MFSD2B: variants seen among roughly 807,000 people sequenced by gnomAD.
MFSD2B encodes MFSD2 lysolipid transporter B, sphingolipid.
A neutral mutation model predicts 58.4 loss-of-function variants in MFSD2B; 56 were observed. The observed-to-expected ratio is 0.96, with a 90% CI of 0.77 to 1.20. MFSD2B has a LOEUF of 1.20. Ranked by LOEUF, MFSD2B falls within the 50% of genes most tolerant of loss-of-function variation. The pLI is 0.00. For synonymous variants in MFSD2B, 287 were observed against 294.4 expected (o/e 0.97, Z 0.26); for missense variants, 645 against 667.6 (o/e 0.97, Z 0.37).
intron 2 of MFSD2B, among the ~76,000 whole-genome samples, chr2:24,015,656 TTGAG>T (rs1454784471): frequency 6.6e-6 from 1 of 152,216 alleles, no homozygotes; most frequent in African/African-American, 2.4e-5. Flanking sequence ...CCTGCATAGT[TTGAG>T]TGTTTTTCTA....
chr2:24,022,661 C>A lies in MFSD2B; in HGVS notation c.978+145C>A. On this transcript the variant is annotated intron_variant, in intron 9 of 13. Transcript: ENST00000338315. This position sits in a 1 kb window ranked among gnomAD's most constrained non-coding sequence, Gnocchi z 4.5. ...TTGGTCTTGGTCACCTGCATTCCAG[C>A]AGAGGGTAGAATTGGGGCCAGGATT... 1 of 866,026 alleles carries A rather than the reference C, an allele frequency of 1.2e-6. No homozygotes were observed. Among genetic ancestry groups the A allele is most frequent in the Non-Finnish European group, 1.8e-6 (1 of 564,148 alleles). The allele number at this position is 866,026 out of a possible 1,614,324, so 53.6% of individuals were successfully genotyped here. A position where few individuals can be genotyped will look rare whatever the true frequency, so the allele number is the denominator to read the frequency against.
At position 24,021,619 on chromosome 2, in the gene MFSD2B, A is replaced by C. The variant is rs1573642913; in HGVS notation, c.682-29A>C. The C allele has an allele frequency of 1.3e-6, 2 of 1,591,374 alleles. No homozygotes were observed. Among genetic ancestry groups the C allele is most frequent in the Non-Finnish European group, 1.7e-6 (2 of 1,166,152 alleles). On this transcript the variant is annotated intron_variant, in intron 6 of 13. Transcript: ENST00000338315. The surrounding 1 kb of genome is among the most constrained non-coding windows in gnomAD (Gnocchi z 5.7). Reference sequence around the variant, plus strand: ...ACCACCTCCAGGGGTTGAAGACATCACCCATCCCAGTCCTGTCCTGTCCCA... The same window carrying C: ...ACCACCTCCAGGGGTTGAAGACATCCCCCATCCCAGTCCTGTCCTGTCCCA...
rs2150937396 is a variant in MFSD2B, at chr2:24,013,389, T to A, written c.201T>A (p.Leu67=). ...ASSATAFYLQ[L]FLLDIAQIPA... ...GCGCCACAGCCTTTTACCTGCAGCT[T>A]TTCCTGCTTGATATAGCACAGGTAA... Residue 67 remains leucine (L), a synonymous_variant, in exon 2 of 14, where the codon CTT becomes CTA. Coordinates refer to ENST00000338315, the MANE Select transcript of MFSD2B (RefSeq NM_001346880.2). 2 of 1,609,110 alleles carry A rather than the reference T, an allele frequency of 1.2e-6. No homozygotes were observed. The highest frequency in any genetic ancestry group is 1.8e-4 in the Middle Eastern group (1 of 5,498).
intron 6 of MFSD2B, chr2:24,018,848 GC>G (rs1662636601): frequency 2.4e-5 from 3 of 124,688 alleles, no homozygotes; most frequent in African/African-American, 9.0e-5. Flanking sequence ...GGCCTTTTGT[GC>G]TTTTTTTTTT....
intron 1 of MFSD2B, among the ~76,000 whole-genome samples, chr2:24,011,034 C>T (rs1181674099): frequency 6.6e-6 from 1 of 152,194 alleles, no homozygotes; most frequent in Non-Finnish European, 1.5e-5. Flanking sequence ...TGATGAAGTT[C>T]CGGCGTGGAA....
rs1198026218 is a variant in MFSD2B, at chr2:24,012,168, ACAC to A, written c.97-1116_97-1114del. Among the ~76,000 whole-genome samples, 3,574 of 71,278 alleles carry A rather than the reference ACAC, an allele frequency of 0.05. 91 individuals carry two copies. Among genetic ancestry groups the A allele is most frequent in the East Asian group, 0.25 (597 of 2,392 alleles). 46.8% of individuals were successfully genotyped at this position (71,278 alleles called of 152,430 possible). The stretch of plus-strand genomic sequence containing the variant: ...ACAAACAAAACACACACACACACAC[ACAC>A]ACACACACAAAAACAGACAAAAAAA... On this transcript the variant is annotated intron_variant, in intron 1 of 13. Transcript: ENST00000338315. The surrounding 1 kb of genome is among the most constrained non-coding windows in gnomAD (Gnocchi z 4.5).
At chr2:24,015,994 C>A (rs889709513) in intron 2 of MFSD2B, among the ~76,000 whole-genome samples, 162 bp from the exon 3 acceptor site, 1 of 152,184 alleles carries the variant, frequency 6.6e-6, no homozygotes, top group South Asian at 2.1e-4. Flanking sequence ...CTGGACTCAG[C>A]CCCGGGATCA....
chr2:24,011,347 G>C (rs958600755), intron 1 of MFSD2B, among the ~76,000 whole-genome samples: 1 of 152,268 alleles, frequency 6.6e-6, no homozygotes. Context: ...CCCCATTAGG[G>C]GGAGAGGGGG....
chr2:24,023,283 C>T lies in MFSD2B; in HGVS notation c.1169+44C>T. 1.3e-6 allele frequency: 2 copies of T among 1,488,186 alleles called. No individual in the cohort carries two copies. The highest frequency in any genetic ancestry group is 1.7e-5 in the Admixed American group (1 of 59,778). The allele number at this position is 1,488,186 out of a possible 1,614,324, so 92.2% of individuals were successfully genotyped here. ...CCTCACGTGTGTCCACAGTGGGTGT[C>T]ACCTCCTTCATGTAAACCTGCCGTC... On this transcript the variant is annotated intron_variant, in intron 11 of 13. Transcript: ENST00000338315. This position sits in a 1 kb window ranked among gnomAD's most constrained non-coding sequence, Gnocchi z 5.0.
chr2:24,016,048 C>T (rs1709132182), intron 2 of MFSD2B, 108 bp from the exon 3 acceptor site: 26 of 1,373,792 alleles, frequency 1.9e-5, no homozygotes, highest in Non-Finnish European at 2.4e-5. Flanking sequence ...TGTGGCTCTG[C>T]CCTCCGGTCC....
In MFSD2B at chr2:24,017,639, G is replaced by A; in HGVS notation, c.681+51G>A. On this transcript the variant is annotated intron_variant, in intron 6 of 13. Transcript: ENST00000338315. The surrounding 1 kb of genome is among the most constrained non-coding windows in gnomAD (Gnocchi z 4.8). ...CCCAACCTGGGGTCCCCTCTGCAGG[G>A]TCACCTCCTTCCTCTAGGGCTGGTT... 1.3e-6 allele frequency: 2 copies of A among 1,504,716 alleles called. No homozygotes were observed. Among genetic ancestry groups the A allele is most frequent in the Non-Finnish European group, 1.8e-6 (2 of 1,121,708 alleles). 93.2% of individuals were successfully genotyped at this position (1,504,716 alleles called of 1,614,324 possible).
rs764712543 is a variant in MFSD2B at position 24,024,141 on chromosome 2, G to A, written c.1360G>A (p.Val454Met). ...AGVCKQAEEV[V>M]VTLKVLIGAV... is the part of the protein sequence containing the mutation. ...GGTCTGCAAGCAAGCAGAGGAGGTG[G>A]TGGTCACCCTCAAAGTCCTCATTGG... The change falls in exon 13 of 14, where the codon GTG becomes ATG. Residue 454 changes from valine (V) to methionine (M), a missense_variant. Physicochemically the swap from Val to Met is conservative, Grantham distance 21. Coordinates refer to ENST00000338315, the MANE Select transcript of MFSD2B (RefSeq NM_001346880.2). This position sits in a 1 kb window ranked among gnomAD's most constrained non-coding sequence, Gnocchi z 4.3. 4 of 1,613,928 alleles carry A rather than the reference G, an allele frequency of 2.5e-6. No individual in the cohort carries two copies. The South Asian group carries it at 3.3e-5, about 13-fold the overall frequency.
At chr2:24,010,263 C>G in intron 1 of MFSD2B, 71 bp downstream of exon 1, 1 of 1,196,370 alleles carries the variant, frequency 8.4e-7, no homozygotes, top group Non-Finnish European at 1.1e-6. Flanking sequence ...CTCGCAGCCC[C>G]TTTTCCAGCT....
rs185242579 is a variant in MFSD2B, at chr2:24,025,776, A to C, written c.*320A>C. On this transcript the variant is annotated 3_prime_UTR_variant, in exon 14 of 14. Coordinates refer to ENST00000338315, the MANE Select transcript of MFSD2B (RefSeq NM_001346880.2). ...AATATCTGTGGCCTACCACCCATTC[A>C]AGAAAACGTTACAGCCGGCTCACTG... 131 of 305,926 alleles carry C rather than the reference A, an allele frequency of 4.3e-4. No homozygotes were observed. Among genetic ancestry groups the C allele is most frequent in the African/African-American group, 2.4e-3 (114 of 47,022 alleles). The allele number at this position is 305,926 out of a possible 1,614,324, so 19.0% of individuals were successfully genotyped here.
At position 24,021,992 on chromosome 2, in the gene MFSD2B, C is replaced by T. The variant is rs776965717; in HGVS notation, c.894+22C>T. 6.8e-6 allele frequency: 11 copies of T among 1,613,654 alleles called. No individual in the cohort carries two copies. Among genetic ancestry groups the T allele is most frequent in the Admixed American group, 6.7e-5 (4 of 60,000 alleles). ...TCAGGTACCTCTGGCCAGCTGCCCC[C>T]GACAGGCTTGGTGCTGGCCATGCTG... On this transcript the variant is annotated intron_variant, in intron 8 of 13. Transcript: ENST00000338315. The surrounding 1 kb of genome is among the most constrained non-coding windows in gnomAD (Gnocchi z 5.7).
In MFSD2B at chr2:24,017,868, G is replaced by C. The variant is rs1393979636; in HGVS notation, c.681+280G>C. ...AGGAGGCCAGCCCCAGAGGAGGGGCGAGGGTGGGGAAAGCCGCAGGACAGG... is the reference window on the plus strand; with the variant it reads ...AGGAGGCCAGCCCCAGAGGAGGGGCCAGGGTGGGGAAAGCCGCAGGACAGG... On this transcript the variant is annotated intron_variant, in intron 6 of 13. Transcript: ENST00000338315. This position sits in a 1 kb window ranked among gnomAD's most constrained non-coding sequence, Gnocchi z 4.8. Among the ~76,000 whole-genome samples, 1 of 152,174 alleles carries C rather than the reference G, an allele frequency of 6.6e-6. No homozygotes were observed. Among genetic ancestry groups the C allele is most frequent in the Non-Finnish European group, 1.5e-5 (1 of 68,022 alleles).
chr2:24,021,723 G>A lies in MFSD2B; in HGVS notation c.757G>A (p.Val253Met), dbSNP rs946801105. 6.2e-7 allele frequency: 1 copy of A among 1,613,584 alleles called. No individual in the cohort carries two copies. The change falls in exon 7 of 14, where the codon GTG becomes ATG. Residue 253 changes from valine to methionine, a missense_variant. Coordinates refer to ENST00000338315, the MANE Select transcript of MFSD2B (RefSeq NM_001346880.2). The surrounding 1 kb of genome is among the most constrained non-coding windows in gnomAD (Gnocchi z 5.7). ...GTGCATCAGTTTACTGTGCCTAGGG[G>A]TGAAGGAGCGGCCAGGTATGGGGTT... is the stretch of plus-strand genomic sequence containing the variant. ...PVCISLLCLG[V>M]KERPDPSAPA...
intron 2 of MFSD2B, among the ~76,000 whole-genome samples, chr2:24,015,505 G>A (rs1709109549): frequency 6.6e-6 from 1 of 152,088 alleles, no homozygotes; most frequent in Non-Finnish European, 1.5e-5. Flanking sequence ...TGTTTAAGAT[G>A]ACAGTCTGAT....
Position 24,023,038 on chromosome 2 carries a change from A to G in MFSD2B, c.1060-92A>G. 4 of 1,335,894 alleles carry G rather than the reference A, an allele frequency of 3.0e-6. No individual in the cohort carries two copies. In the South Asian group the frequency reaches 3.6e-5, roughly 12 times the overall value. 82.8% of individuals were successfully genotyped at this position (1,335,894 alleles called of 1,614,324 possible). A position where few individuals can be genotyped will look rare whatever the true frequency, so the allele number is the denominator to read the frequency against. On this transcript the variant is annotated intron_variant, in intron 10 of 13. Transcript: ENST00000338315. This position sits in a 1 kb window ranked among gnomAD's most constrained non-coding sequence, Gnocchi z 5.0. ...GAGTCTTTAGGGCCTAGCACAGGGC[A>G]AGGCATGGGGGTCGTCAGTCGAGTC...
Sources: gnomAD v4.1 joint callset for allele counts (sites outside exome capture counted in the v4.1 genomes callset) on GRCh38, gnomAD v4.1.1 for gene constraint, Gnocchi (gnomAD v3.1) non-coding constraint, MANE v1.5 for transcripts, NCBI Gene and HGNC (gene_info 2026-07-23, HGNC 2026-07-21) for gene names.